Variants in KYNU observed in about 807,000 individuals in gnomAD.
KYNU encodes the protein L-kynurenine hydrolase.
KYNU carries 54 observed loss-of-function variants against 59.2 expected under a neutral mutation model. That is an observed-to-expected ratio of 0.91 (90% confidence interval 0.73 to 1.14). KYNU has a LOEUF of 1.14. KYNU is among the 50% of genes most tolerant of loss of function. The pLI is 0.00. For missense variants in KYNU, 567 were observed against 554.4 expected (o/e 1.02, Z -0.23); for synonymous variants, 177 against 192.0 (o/e 0.92, Z 0.65).
chr2:142,981,104 T>C (rs2105148591), intron 8 of KYNU, among the ~76,000 whole-genome samples: 1 of 152,314 alleles, frequency 6.6e-6, no homozygotes, highest in Non-Finnish European at 1.5e-5. Context: ...GGGAAATAAT[T>C]ACAAATGCAT....
At chr2:143,006,197 A>ACGCAC in intron 10 of KYNU, among the ~76,000 whole-genome samples, 1 of 152,114 alleles carries the variant, frequency 6.6e-6, no homozygotes, top group South Asian at 2.1e-4. Context: ...CAGTGGGTGC[A>ACGCAC]CGCACCGTGC....
chr2:142,899,052 G>C (rs1005499435), intron 2 of KYNU, among the ~76,000 whole-genome samples: 5 of 152,192 alleles, frequency 3.3e-5, no homozygotes, highest in Non-Finnish European at 7.3e-5. Context: ...GCAAACAGCA[G>C]TGGTGGACCC....
intron 11 of KYNU, 24 bp from the exon 12 acceptor site, chr2:143,033,212 A>G (rs538091124): frequency 1.3e-6 from 2 of 1,504,408 alleles, no homozygotes; most frequent in Non-Finnish European, 1.9e-6. Flanking sequence ...CTTCTATGAT[A>G]ATGACATGAT....
intron 8 of KYNU, among the ~76,000 whole-genome samples, chr2:142,984,246 T>C (rs540524293): frequency 6.6e-6 from 1 of 152,202 alleles, no homozygotes; most frequent in South Asian, 2.1e-4. Flanking sequence ...TTGACATATT[T>C]AATCATATAA....
intron 2 of KYNU, 31 bp from the exon 3 acceptor site, chr2:142,918,572 ATTTTTT>A: frequency 3.8e-6 from 5 of 1,310,838 alleles, no homozygotes; most frequent in South Asian, 2.9e-5. Flanking sequence ...AAAAGCTTTT[ATTTTTT>A]TTTTTTTTTT....
chr2:142,893,543 T>G (rs1469638521), intron 2 of KYNU, among the ~76,000 whole-genome samples: 1 of 152,184 alleles, frequency 6.6e-6, no homozygotes, highest in Non-Finnish European at 1.5e-5. Context: ...TTTTTAGGCT[T>G]CTTTTCCAAG....
chr2:143,032,275 C>G (rs1686770403), intron 11 of KYNU, among the ~76,000 whole-genome samples: 1 of 145,504 alleles, frequency 6.9e-6, no homozygotes, highest in South Asian at 2.2e-4. Flanking sequence ...GAGACTCCAT[C>G]TCAAAAACAA....
At chr2:142,947,889 C>T (rs1257314852) in intron 4 of KYNU, 1 of 152,194 alleles carries the variant, frequency 6.6e-6, no homozygotes, top group Non-Finnish European at 1.5e-5. Context: ...GTTCAGTTTG[C>T]TGCTGTCATG....
chr2:143,016,474 G>A, intron 10 of KYNU, among the ~76,000 whole-genome samples: 1 of 152,118 alleles, frequency 6.6e-6, no homozygotes, highest in East Asian at 1.9e-4. Context: ...AGTACTTTAT[G>A]CCTGTCTTCT....
chr2:142,909,161 G>GGTT (rs1553475463), intron 2 of KYNU, among the ~76,000 whole-genome samples: 1 of 149,216 alleles, frequency 6.7e-6, no homozygotes, highest in African/African-American at 2.5e-5. Flanking sequence ...CATATATCAA[G>GGTT]TTTTTTTTTT....
At chr2:142,962,821 T>G (rs73964467) in intron 8 of KYNU, among the ~76,000 whole-genome samples, 3,048 of 152,318 alleles carry the variant, frequency 0.02, 119 homozygotes, top group African/African-American at 0.07. Flanking sequence ...CCTCCTATTA[T>G]CAACCAAGGT....
chr2:142,991,401 G>A (rs1000362617), intron 10 of KYNU, among the ~76,000 whole-genome samples: 6 of 151,864 alleles, frequency 4.0e-5, no homozygotes, highest in African/African-American at 1.4e-4. Context: ...CACTTCTGAT[G>A]CTTTCAAATG....
intron 4 of KYNU, among the ~76,000 whole-genome samples, chr2:142,935,985 T>C (rs1309491438): frequency 6.6e-6 from 1 of 152,048 alleles, no homozygotes; most frequent in Non-Finnish European, 1.5e-5. Flanking sequence ...GGGAAGGTGG[T>C]GGCTGAGAAG....
At chr2:142,978,747 G>T (rs1368124394) in intron 8 of KYNU, among the ~76,000 whole-genome samples, 1 of 152,100 alleles carries the variant, frequency 6.6e-6, no homozygotes, top group African/African-American at 2.4e-5. Flanking sequence ...GCGTATCAAT[G>T]CATACCATCT....
intron 4 of KYNU, among the ~76,000 whole-genome samples, chr2:142,942,070 G>A (rs1213938784): frequency 1.3e-5 from 2 of 149,134 alleles, no homozygotes; most frequent in African/African-American, 2.5e-5. Flanking sequence ...CCAGCTATTC[G>A]AAAGGCTGAG....
chr2:143,052,407 A>T lies in KYNU; in HGVS notation c.*10235A>T, dbSNP rs1040778412. On this transcript the variant is annotated 3_prime_UTR_variant, in exon 14 of 14. Transcript: ENST00000264170. ...AATGTTAATCACTAAGACAATGAGG[A>T]AAATGTCTCCAGGGCATGTCAGAGA... 1.3e-5 allele frequency: 2 copies of T among 152,226 alleles called. No homozygotes were observed. Among genetic ancestry groups the T allele is most frequent in the Non-Finnish European group, 2.9e-5 (2 of 68,036 alleles). The allele number at this position is 152,226 out of a possible 1,614,324, so 9.4% of individuals were successfully genotyped here.
intron 10 of KYNU, among the ~76,000 whole-genome samples, chr2:143,012,689 T>C (rs978070810): frequency 1.3e-5 from 2 of 152,098 alleles, no homozygotes; most frequent in Non-Finnish European, 2.9e-5. Flanking sequence ...TTCATGCAGT[T>C]ACCCATTTTT....
rs1190176689 is a variant in KYNU, at chr2:143,047,438, C to T, written c.*5266C>T. 1 of 152,028 alleles carries T rather than the reference C, an allele frequency of 6.6e-6. No homozygotes were observed. Among genetic ancestry groups the T allele is most frequent in the Non-Finnish European group, 1.5e-5 (1 of 68,000 alleles). 9.4% of individuals were successfully genotyped at this position (152,028 alleles called of 1,614,324 possible). On this transcript the variant is annotated 3_prime_UTR_variant, in exon 14 of 14. Transcript: ENST00000264170. ...AATTGATACTGTATATACATGAATT[C>T]AATTGGTATCTATTTTTAATATGGG...
chr2:143,010,091 T>C (rs1214993374), intron 10 of KYNU, among the ~76,000 whole-genome samples: 4 of 144,486 alleles, frequency 2.8e-5, no homozygotes, highest in Non-Finnish European at 6.0e-5. Flanking sequence ...AAATAAAGGG[T>C]ACCCAATTAG....
Sources: gnomAD v4.1 joint callset for allele counts (sites outside exome capture counted in the v4.1 genomes callset) on GRCh38, gnomAD v4.1.1 for gene constraint, MANE v1.5 for transcripts, NCBI Gene and HGNC (gene_info 2026-07-23, HGNC 2026-07-21) for gene names.